Variants in RBM39 observed in about 807,000 individuals in gnomAD.
The protein encoded by RBM39 is RNA binding motif protein 39, also known as RNA-binding protein 39.
RBM39 carries 12 observed loss-of-function variants against 79.6 expected under a neutral mutation model. The ratio of observed to expected loss-of-function variants is 0.15; its 90% CI spans 0.10 to 0.24. The LOEUF (loss-of-function observed/expected upper bound fraction) is 0.24. Ranked by LOEUF, RBM39 falls within the 10% of genes least tolerant of loss-of-function variation. The probability of loss-of-function intolerance (pLI) is 1.00; values close to 1 mark genes in which losing one functional copy is unlikely to be tolerated. For synonymous variants in RBM39, 185 were observed against 208.4 expected (o/e 0.89, Z 0.97); for missense variants, 243 against 653.4 (o/e 0.37, Z 6.85).
At chr20:35,734,199 G>A (rs1457044854) in intron 3 of RBM39, 1 of 1,302,346 alleles carries the variant, frequency 7.7e-7, no homozygotes, top group Non-Finnish European at 1.0e-6. Flanking sequence ...CTGGAATCTT[G>A]AAACCCACAC....
Position 35,732,010 on chromosome 20 carries a change from C to T in RBM39, c.227G>A (p.Ser76Asn). 1 of 1,614,138 alleles carries T rather than the reference C, an allele frequency of 6.2e-7. No individual in the cohort carries two copies. Among genetic ancestry groups the T allele is most frequent in the Non-Finnish European group, 8.5e-7 (1 of 1,180,042 alleles). The change falls in exon 4 of 17, where the codon AGC (serine) becomes AAC (asparagine). Residue 76 changes from serine to asparagine, a missense_variant. By Grantham distance (46) the Ser-to-Asn change is conservative (BLOSUM62 1). This residue lies in a region of RBM39 where 115 missense variants were observed against 184.1 expected (regional missense o/e 0.62). Coordinates refer to ENST00000253363, the MANE Select transcript of RBM39 (RefSeq NM_184234.3). ...TGAGCGGCTCCGTCGCCTCTCTTTG[C>T]TTCTACTTCGCTTTCTTTCACGGCT... Reference protein sequence around the residue: ...SKSRERKRSRSKERRRSRSRS... With the variant: ...SKSRERKRSRNKERRRSRSRS...
intron 3 of RBM39, 21 bp downstream of exon 3, chr20:35,738,947 A>C (rs1366596533): frequency 6.2e-7 from 1 of 1,601,314 alleles, no homozygotes; most frequent in Non-Finnish European, 8.6e-7. Context: ...ACCCTCCCCC[A>C]AGCCCCTTCT....
In RBM39 at chr20:35,742,038, T is replaced by C; in HGVS notation, c.-111A>G. The C allele has an allele frequency of 4.2e-6, 1 of 237,546 alleles. No homozygotes were observed. Among genetic ancestry groups the C allele is most frequent in the Non-Finnish European group, 8.5e-6 (1 of 117,766 alleles). The allele number at this position is 237,546 out of a possible 1,614,324, so 14.7% of individuals were successfully genotyped here. ...GCCGCCGCCGCTTCTGTTGCTACTG[T>C]TAAGCCCCTAGGCCCAGGCCGCGGA... On this transcript the variant is annotated 5_prime_UTR_variant, in exon 1 of 17. Coordinates refer to ENST00000253363, the MANE Select transcript of RBM39 (RefSeq NM_184234.3).
intron 15 of RBM39, 172 bp from the exon 16 acceptor site, chr20:35,704,918 T>C: frequency 1.6e-6 from 1 of 619,546 alleles, no homozygotes; most frequent in South Asian, 2.1e-5. Flanking sequence ...AAATGACTTC[T>C]ACTCTCAAAT....
intron 8 of RBM39, 116 bp from the exon 9 acceptor site, chr20:35,721,993 G>GT (rs1207926251): frequency 8.3e-7 from 1 of 1,201,926 alleles, no homozygotes; most frequent in Non-Finnish European, 1.2e-6. Flanking sequence ...ACTACCCTAC[G>GT]TAAGTCAGAT....
chr20:35,725,020 T>TA lies in RBM39; in HGVS notation c.534+17dup. 1 of 1,554,290 alleles carries TA rather than the reference T, an allele frequency of 6.4e-7. No individual in the cohort carries two copies. The highest frequency in any genetic ancestry group is 1.1e-5 in the South Asian group (1 of 87,484). On this transcript the variant is annotated intron_variant, in intron 7 of 16. Transcript: ENST00000253363. ...GCAATTTCTACCTACTTGACCTCCC[T>TA]AAACAGGTTAAGATTACCTTTCCTA...
At chr20:35,730,913 T>G (rs1458865522) in intron 4 of RBM39, among the ~76,000 whole-genome samples, 1 of 152,170 alleles carries the variant, frequency 6.6e-6, no homozygotes, top group African/African-American at 2.4e-5. Context: ...TTCTTTTTAT[T>G]TTAAAGATAA....
Position 35,704,336 on chromosome 20 carries a change from C to T in RBM39, c.*145G>A. On this transcript the variant is annotated 3_prime_UTR_variant, in exon 17 of 17. Coordinates refer to ENST00000253363, the MANE Select transcript of RBM39 (RefSeq NM_184234.3). The stretch of plus-strand genomic sequence containing the variant: ...AATGAGCACACTGCATTCCTGTTAA[C>T]ATTTTTATTTTTTCAAGGTAACAGG... The T allele has an allele frequency of 3.3e-6, 2 of 609,252 alleles. No individual in the cohort carries two copies. Among genetic ancestry groups the T allele is most frequent in the Non-Finnish European group, 5.6e-6 (2 of 355,536 alleles). 37.7% of individuals were successfully genotyped at this position (609,252 alleles called of 1,614,324 possible).
At chr20:35,728,662 A>G (rs1423217779) in intron 6 of RBM39, among the ~76,000 whole-genome samples, 1 of 152,124 alleles carries the variant, frequency 6.6e-6, no homozygotes, top group East Asian at 1.9e-4. Flanking sequence ...CTGTACTCCC[A>G]GCTACTCGGG....
At chr20:35,738,437 A>G (rs1446209169) in intron 3 of RBM39, among the ~76,000 whole-genome samples, 1 of 152,172 alleles carries the variant, frequency 6.6e-6, no homozygotes, top group African/African-American at 2.4e-5. Context: ...TGTTAAGTCT[A>G]GAGTTTAAAA....
intron 3 of RBM39, chr20:35,734,091 G>A: frequency 2.1e-6 from 1 of 484,676 alleles, no homozygotes; most frequent in Admixed American, 4.0e-5. Context: ...TCAAAGCAAA[G>A]TTACATATCA....
chr20:35,741,223 G>A (rs1266906821), intron 1 of RBM39, among the ~76,000 whole-genome samples: 2 of 151,190 alleles, frequency 1.3e-5, no homozygotes, highest in Admixed American at 6.6e-5. Context: ...TGGTAGAGAC[G>A]GGGTTTCACC....
chr20:35,734,130 A>G, intron 3 of RBM39: 2 of 1,041,984 alleles, frequency 1.9e-6, no homozygotes, highest in African/African-American at 3.3e-5. Context: ...GCCTCAGAGA[A>G]CCTGTAAGCA....
intron 3 of RBM39, among the ~76,000 whole-genome samples, chr20:35,736,808 A>G (rs761910420): frequency 5.9e-5 from 9 of 151,672 alleles, no homozygotes; most frequent in Admixed American, 5.9e-4. Context: ...GTGCACCACC[A>G]CGCCCAGCTA....
At position 35,714,258 on chromosome 20, in the gene RBM39, A is replaced by G. The variant is rs774130628; in HGVS notation, c.1023T>C (p.Ser341=). ...DASSASSFLD[S]DELERTGIDL... Reference sequence around the variant, plus strand: ...CAATTCCAGTCCTTTCCAGTTCATCACTGTCCAAAAATGAACTAGCACTCG... The same window carrying G: ...CAATTCCAGTCCTTTCCAGTTCATCGCTGTCCAAAAATGAACTAGCACTCG... Residue 341 remains serine, a synonymous_variant, in exon 11 of 17, where the codon AGT becomes AGC. Coordinates refer to ENST00000253363, the MANE Select transcript of RBM39 (RefSeq NM_184234.3). 6 of 1,613,888 alleles carry G rather than the reference A, an allele frequency of 3.7e-6. No individual in the cohort carries two copies. In the East Asian group the frequency reaches 1.1e-4, roughly 30 times the overall value.
rs2146460269 is a variant in RBM39, at chr20:35,703,554, A to G, written c.*927T>C. ...ACTGAATTGAGACTAAAAGAAGCTA[A>G]TTCTGTTCTCAAATTTCTGTAACTT... On this transcript the variant is annotated 3_prime_UTR_variant, in exon 17 of 17. Coordinates refer to ENST00000253363, the MANE Select transcript of RBM39 (RefSeq NM_184234.3). 6.5e-6 allele frequency: 1 copy of G among 152,680 alleles called. No homozygotes were observed. The highest frequency in any genetic ancestry group is 2.4e-5 in the African/African-American group (1 of 41,580). 9.5% of individuals were successfully genotyped at this position (152,680 alleles called of 1,614,324 possible). A position where few individuals can be genotyped will look rare whatever the true frequency, so the allele number is the denominator to read the frequency against.
intron 6 of RBM39, among the ~76,000 whole-genome samples, chr20:35,728,494 T>G (rs1464034738): frequency 6.6e-6 from 1 of 152,118 alleles, no homozygotes; most frequent in East Asian, 1.9e-4. Flanking sequence ...TAAAATAACT[T>G]TAGACTGGGA....
chr20:35,715,829 C>T (rs556635595), intron 10 of RBM39, among the ~76,000 whole-genome samples: 250 of 152,082 alleles, frequency 1.6e-3, no homozygotes, highest in African/African-American at 5.9e-3. Flanking sequence ...ACTCCCCCTG[C>T]TAATAGGCGA....
At chr20:35,723,230 CAAA>C (rs200651582) in intron 8 of RBM39, among the ~76,000 whole-genome samples, 4 of 123,092 alleles carry the variant, frequency 3.2e-5, no homozygotes, top group Admixed American at 8.5e-5. Context: ...AAGATCGCCT[CAAA>C]AAAAAAAAAA....
Sources: allele counts gnomAD v4.1 joint callset (sites outside exome capture counted in the v4.1 genomes callset), GRCh38; gene constraint gnomAD v4.1.1; regional missense constraint gnomAD v4.1.1; transcripts MANE v1.5; gene names NCBI Gene and HGNC (gene_info 2026-07-23, HGNC 2026-07-21).